HSP90AA1: variants seen among roughly 807,000 people sequenced by gnomAD.
The protein encoded by HSP90AA1 is heat shock protein 90 alpha family class A member 1.
Under a neutral mutation model 73.3 loss-of-function variants are expected in HSP90AA1, and 18 were observed. The observed-to-expected ratio is 0.25, with a 90% CI of 0.17 to 0.36. The LOEUF is 0.36. HSP90AA1 is among the 10% of genes least tolerant of loss of function. The pLI, the probability that HSP90AA1 is intolerant of heterozygous loss-of-function variation, is 1.00. For missense variants in HSP90AA1, 704 were observed against 874.2 expected, an observed-to-expected ratio of 0.81 and a Z score of 2.45; for synonymous variants, 477 against 296.9, an observed-to-expected ratio of 1.61 and a Z score of -6.24.
At chr14:102,122,560 C>T (rs943984575) in intron 1 of HSP90AA1, among the ~76,000 whole-genome samples, 1 of 151,956 alleles carries the variant, frequency 6.6e-6, no homozygotes, top group East Asian at 1.9e-4. Context: ...GGATTATAGG[C>T]GTGAGCCACT....
chr14:102,084,465 T>G lies in HSP90AA1; in HGVS notation c.1081A>C (p.Ile361Leu). The G allele has an allele frequency of 6.2e-7, 1 of 1,613,416 alleles. No individual in the cohort carries two copies. The highest frequency in any genetic ancestry group is 1.1e-5 in the South Asian group (1 of 91,062). Reference protein sequence around the residue: ...LFENRKKKNNIKLYVRRVFIM... With the variant: ...LFENRKKKNNLKLYVRRVFIM... ...AAAACTCTGCGTACATACAATTTGA[T>G]GTTGTTCTTTTTCTTTCTGTTTTCA... The change falls in exon 6 of 11, where the codon ATC (isoleucine) becomes CTC (leucine). Residue 361 changes from isoleucine (I) to leucine (L), a missense_variant. Ile to Leu is a conservative substitution (Grantham distance 5). Coordinates refer to ENST00000216281, the MANE Select transcript of HSP90AA1 (RefSeq NM_005348.4).
At chr14:102,112,591 AC>A (rs2049655674) in intron 1 of HSP90AA1, among the ~76,000 whole-genome samples, 1 of 151,902 alleles carries the variant, frequency 6.6e-6, no homozygotes, top group Non-Finnish European at 1.5e-5. Flanking sequence ...AGATCCTCCC[AC>A]CTCAGCTTCC....
At chr14:102,124,021 G>T (rs1411225310) in intron 1 of HSP90AA1, among the ~76,000 whole-genome samples, 1 of 151,978 alleles carries the variant, frequency 6.6e-6, no homozygotes, top group Non-Finnish European at 1.5e-5. Context: ...GGCTCCTCAT[G>T]AACTCCTGGC....
chr14:102,083,631 T>G lies in HSP90AA1; in HGVS notation c.1401A>C (p.Thr467=). 6.2e-7 allele frequency: 1 copy of G among 1,613,304 alleles called. No individual in the cohort carries two copies. Residue 467 remains threonine, a synonymous_variant, in exon 8 of 11, where the codon ACA becomes ACC. Transcript: ENST00000216281. ...AAACCATCTCATCACCAGAGGCAGA[T>G]GTGTAGTACCTTAACAGCTCTGAAA... is the stretch of plus-strand genomic sequence containing the variant. ...KKLSELLRYY[T]SASGDEMVSL... is the part of the protein sequence containing the mutation.
exon 1 of HSP90AA1, chr14:102,139,516 C>G: frequency 8.5e-7 from 1 of 1,170,800 alleles, no homozygotes; most frequent in Non-Finnish European, 1.2e-6. Flanking sequence ...GGGCGGGAGA[C>G]CGCTGAGGAG....
Position 102,086,133 on chromosome 14 carries a change from A to C in HSP90AA1, c.163-9T>G, listed in dbSNP as rs2049225349. 1 of 1,613,984 alleles carries C rather than the reference A, an allele frequency of 6.2e-7. No homozygotes were observed. Among genetic ancestry groups the C allele is most frequent in the East Asian group, 2.2e-5 (1 of 44,894 alleles). On this transcript the variant is annotated splice_polypyrimidine_tract_variant and intron_variant, in intron 2 of 10. Transcript: ENST00000216281. Reference sequence around the variant, plus strand: ...CGGATTTTGTCCAATGCCTGTTAACAAAAAATATTAATTTAAGCATACAGC... The same window carrying C: ...CGGATTTTGTCCAATGCCTGTTAACCAAAAATATTAATTTAAGCATACAGC...
intron 9 of HSP90AA1, 109 bp downstream of exon 9, chr14:102,082,925 A>T (rs10782495): frequency 8.4e-7 from 1 of 1,197,094 alleles, no homozygotes; most frequent in Non-Finnish European, 1.2e-6. Context: ...AGCCACACAC[A>T]ACATAGTTTT....
At chr14:102,097,557 G>T (rs2049441492) in intron 2 of HSP90AA1, among the ~76,000 whole-genome samples, 1 of 152,008 alleles carries the variant, frequency 6.6e-6, no homozygotes, top group Non-Finnish European at 1.5e-5. Context: ...GTCCCCCCAA[G>T]GGCAACCTCT....
At chr14:102,117,839 C>A (rs752559493) in intron 1 of HSP90AA1, among the ~76,000 whole-genome samples, 5 of 152,192 alleles carry the variant, frequency 3.3e-5, no homozygotes, top group Non-Finnish European at 7.3e-5. Flanking sequence ...GACCTGGGAG[C>A]TCCCTGAGCC....
At chr14:102,088,688 C>T (rs1595662360), upstream of HSP90AA1, among the ~76,000 whole-genome samples, 2 of 152,208 alleles carry the variant, frequency 1.3e-5, no homozygotes, top group Non-Finnish European at 1.5e-5. Context: ...GGGAGGAATC[C>T]GGAAGCAGGA....
At chr14:102,119,360 A>G (rs1026361129) in intron 1 of HSP90AA1, among the ~76,000 whole-genome samples, 1 of 152,152 alleles carries the variant, frequency 6.6e-6, no homozygotes, top group African/African-American at 2.4e-5. Context: ...GAGTCCTTCA[A>G]TAGCATTTTA....
At chr14:102,086,547 G>A (rs1292782102) in intron 1 of HSP90AA1, among the ~76,000 whole-genome samples, 169 bp from the exon 2 acceptor site, 2 of 152,158 alleles carry the variant, frequency 1.3e-5, no homozygotes, top group African/African-American at 4.8e-5. Context: ...TTCGGAGCGC[G>A]GCAACTACCA....
chr14:102,138,776 T>C (rs1445391792), intron 1 of HSP90AA1, among the ~76,000 whole-genome samples: 1 of 152,194 alleles, frequency 6.6e-6, no homozygotes, highest in Admixed American at 6.5e-5. Context: ...TCTGTCACTT[T>C]AGAAGCTTTC....
intron 2 of HSP90AA1, among the ~76,000 whole-genome samples, chr14:102,095,279 G>A (rs1051122562): frequency 1.3e-5 from 2 of 152,124 alleles, no homozygotes; most frequent in African/African-American, 4.8e-5. Context: ...GAGGCCTGGG[G>A]GACAGGAGGC....
At chr14:102,083,390 A>T in intron 8 of HSP90AA1, 88 bp from the exon 9 acceptor site, 1 of 1,490,136 alleles carries the variant, frequency 6.7e-7, no homozygotes. Context: ...CCAGATACCT[A>T]GGCAGAACCT....
intron 2 of HSP90AA1, 33 bp from the exon 3 acceptor site, chr14:102,086,157 GCACCCCCAAGAAGTTCA>G (rs1487457557): frequency 1.2e-6 from 2 of 1,613,912 alleles, no homozygotes; most frequent in African/African-American, 2.7e-5. Flanking sequence ...TAAGCATACA[GCACCCCCAAGAAGTTCA>G]CACTGAAACC....
chr14:102,111,517 A>G (rs533629492), intron 1 of HSP90AA1, among the ~76,000 whole-genome samples: 57 of 152,362 alleles, frequency 3.7e-4, no homozygotes, highest in African/African-American at 1.2e-3. Flanking sequence ...GGGTACAGGC[A>G]TTGGGTAAAT....
At chr14:102,118,548 G>T (rs1191996000) in intron 1 of HSP90AA1, among the ~76,000 whole-genome samples, 1 of 151,436 alleles carries the variant, frequency 6.6e-6, no homozygotes, top group Non-Finnish European at 1.5e-5. Flanking sequence ...GTCACTTTTT[G>T]TTTTTTATAT....
chr14:102,110,019 C>T lies in HSP90AA1; in HGVS notation c.156-7934G>A, dbSNP rs117688164. ...TGCAATATCAGTTCATTGCAAATTC[C>T]GCCTCCTGGGTTCAAGCGATTCTTC... On this transcript the variant is annotated intron_variant, in intron 1 of 11. Coordinates refer to the HSP90AA1 transcript ENST00000334701. Among the ~76,000 whole-genome samples the T allele has an allele frequency of 4.0e-3, 614 of 152,010 alleles. 4 individuals are homozygous for T. The highest frequency in any genetic ancestry group is 6.4e-3 in the Non-Finnish European group (432 of 67,964).
Sources: allele counts gnomAD v4.1 joint callset (sites outside exome capture counted in the v4.1 genomes callset), GRCh38; gene constraint gnomAD v4.1.1; transcripts MANE v1.5; gene names NCBI Gene and HGNC (gene_info 2026-07-23, HGNC 2026-07-21).